The following ALDH18A1 variants were observed in gnomAD, a reference collection of about 807,000 sequenced individuals.
The protein encoded by ALDH18A1 is aldehyde dehydrogenase 18 family member A1, also known as delta-1-pyrroline-5-carboxylate synthase.
ALDH18A1 carries 44 observed loss-of-function variants against 88.8 expected under a neutral mutation model. The observed-to-expected ratio is 0.50, with a 90% CI of 0.39 to 0.64. ALDH18A1 has a LOEUF of 0.64. ALDH18A1 is among the 30% of genes least tolerant of loss of function. ALDH18A1 has a pLI of 0.00. For synonymous variants in ALDH18A1, 331 were observed against 372.1 expected, an observed-to-expected ratio of 0.89 and a Z score of 1.27; for missense variants, 782 against 1,009.5, an observed-to-expected ratio of 0.77 and a Z score of 3.05.
intron 12 of ALDH18A1, among the ~76,000 whole-genome samples, chr10:95,620,216 A>C (rs1167005023): frequency 6.6e-6 from 1 of 152,254 alleles, no homozygotes; most frequent in Non-Finnish European, 1.5e-5. Context: ...GAGAAATGCA[A>C]ATCAAAACCA....
chr10:95,624,536 A>C (rs183860845), intron 11 of ALDH18A1, among the ~76,000 whole-genome samples: 136 of 152,336 alleles, frequency 8.9e-4, no homozygotes, highest in Non-Finnish European at 1.5e-3. Context: ...TGAAAGAAAC[A>C]CCATTAATAT....
At chr10:95,628,610 C>T (rs1009441493) in intron 7 of ALDH18A1, 118 bp from the exon 8 acceptor site, 2 of 1,228,972 alleles carry the variant, frequency 1.6e-6, no homozygotes, top group Non-Finnish European at 2.3e-6. Flanking sequence ...TTCCACTGCA[C>T]TACCACCTGC....
intron 11 of ALDH18A1, among the ~76,000 whole-genome samples, chr10:95,624,058 G>C (rs927170503): frequency 6.6e-6 from 1 of 151,898 alleles, no homozygotes; most frequent in African/African-American, 2.4e-5. Flanking sequence ...GGCTGGTCTT[G>C]AACTCAGACC....
At position 95,614,160 on chromosome 10, in the gene ALDH18A1, A is replaced by C. The variant is rs1212195156; in HGVS notation, c.1607T>G (p.Val536Gly). The change falls in exon 14 of 18, where the codon GTG (valine) becomes GGG (glycine). Residue 536 changes from valine (V) to glycine (G), a missense_variant and splice_region_variant. Coordinates refer to ENST00000371224, the MANE Select transcript of ALDH18A1 (RefSeq NM_002860.4). Reference sequence around the variant, plus strand: ...ATCTTCAACTTCTTCTCTGGTATTCACCTTTAGAAGGAAAGAAGAAAAAGA... The same window carrying C: ...ATCTTCAACTTCTTCTCTGGTATTCCCCTTTAGAAGGAAAGAAGAAAAAGA... ...IHGVKEAVQLVNTREEVEDLC... is the reference protein window; with the variant it reads ...IHGVKEAVQLGNTREEVEDLC... 3 of 1,613,896 alleles carry C rather than the reference A, an allele frequency of 1.9e-6. No homozygotes were observed. Among genetic ancestry groups the C allele is most frequent in the Non-Finnish European group, 2.5e-6 (3 of 1,180,000 alleles).
intron 2 of ALDH18A1, among the ~76,000 whole-genome samples, chr10:95,651,041 G>A (rs555609745): frequency 1.3e-4 from 20 of 152,204 alleles, no homozygotes; most frequent in African/African-American, 4.8e-4. Context: ...ACTGAGGCAG[G>A]AGAATCGCTT....
At chr10:95,608,316 G>C (rs1051428727) in intron 17 of ALDH18A1, among the ~76,000 whole-genome samples, 1 of 152,180 alleles carries the variant, frequency 6.6e-6, no homozygotes, top group Non-Finnish European at 1.5e-5. Flanking sequence ...AAAGATCAAT[G>C]CAAGTGATGT....
intron 3 of ALDH18A1, among the ~76,000 whole-genome samples, chr10:95,642,621 C>A (rs78053518): frequency 2.3e-4 from 35 of 151,062 alleles, no homozygotes; most frequent in Admixed American, 2.0e-3. Flanking sequence ...TCAAAACAAA[C>A]AAACACAGCT....
rs1566014821 is a variant in ALDH18A1, at chr10:95,624,405, A to G, written c.1246+957T>C. Among the ~76,000 whole-genome samples the G allele has an allele frequency of 2.0e-5, 3 of 152,228 alleles. No individual in the cohort carries two copies. The East Asian group carries it at 5.8e-4, about 29-fold the overall frequency. ...ATCAAAGATTTCTTCCAGTTCTGAAAATCTATTTTACGTTTTGTAATACTA... is the reference window on the plus strand; with the variant it reads ...ATCAAAGATTTCTTCCAGTTCTGAAGATCTATTTTACGTTTTGTAATACTA... On this transcript the variant is annotated intron_variant, in intron 11 of 17. Coordinates refer to ENST00000371224, the MANE Select transcript of ALDH18A1 (RefSeq NM_002860.4).
intron 1 of ALDH18A1, among the ~76,000 whole-genome samples, chr10:95,654,877 G>C (rs1337481301): frequency 6.6e-6 from 1 of 151,874 alleles, no homozygotes; most frequent in African/African-American, 2.4e-5. Flanking sequence ...AAGAGCCAAA[G>C]GGTAAAACAA....
intron 5 of ALDH18A1, among the ~76,000 whole-genome samples, 171 bp downstream of exon 5, chr10:95,636,922 C>T (rs1377669451): frequency 6.6e-6 from 1 of 152,228 alleles, no homozygotes; most frequent in African/African-American, 2.4e-5. Flanking sequence ...ATATTATCCC[C>T]ATTTTCAGAT....
At chr10:95,636,147 A>C (rs1010534219) in intron 5 of ALDH18A1, among the ~76,000 whole-genome samples, 6 of 152,200 alleles carry the variant, frequency 3.9e-5, no homozygotes, top group African/African-American at 1.4e-4. Context: ...AATGATGGAG[A>C]AACAAAAAAA....
intron 15 of ALDH18A1, among the ~76,000 whole-genome samples, chr10:95,612,469 A>T (rs565826292): frequency 6.6e-6 from 1 of 152,160 alleles, no homozygotes; most frequent in Non-Finnish European, 1.5e-5. Flanking sequence ...TCAAGTTATA[A>T]GTGGTGTCTG....
intron 15 of ALDH18A1, among the ~76,000 whole-genome samples, chr10:95,613,244 A>G (rs756206421): frequency 1.3e-5 from 2 of 152,250 alleles, no homozygotes; most frequent in Admixed American, 6.5e-5. Context: ...TTAACAATAT[A>G]GTAAAAACAT....
intron 2 of ALDH18A1, among the ~76,000 whole-genome samples, chr10:95,651,236 G>A (rs1427370416): frequency 6.6e-6 from 1 of 152,144 alleles, no homozygotes; most frequent in Non-Finnish European, 1.5e-5. Flanking sequence ...TTAGCTATTA[G>A]GGAAAGGCAC....
At chr10:95,637,526 G>A in intron 3 of ALDH18A1, 90 bp from the exon 4 acceptor site, 1 of 1,492,322 alleles carries the variant, frequency 6.7e-7, no homozygotes, top group Non-Finnish European at 9.2e-7. Flanking sequence ...GGGCTATCGA[G>A]TAGATCCCAA....
intron 2 of ALDH18A1, among the ~76,000 whole-genome samples, chr10:95,652,331 T>G (rs1408582134): frequency 6.6e-6 from 1 of 152,202 alleles, no homozygotes; most frequent in Non-Finnish European, 1.5e-5. Context: ...TGGGTGAAAT[T>G]GGGTAAAGGG....
intron 7 of ALDH18A1, among the ~76,000 whole-genome samples, chr10:95,632,491 G>A (rs1330503286): frequency 6.6e-6 from 1 of 152,168 alleles, no homozygotes; most frequent in Non-Finnish European, 1.5e-5. Context: ...TCAGCCCCGA[G>A]TAGCTGGAAC....
At chr10:95,653,668 T>C (rs1290746023) in intron 1 of ALDH18A1, among the ~76,000 whole-genome samples, 1 of 152,204 alleles carries the variant, frequency 6.6e-6, no homozygotes, top group Non-Finnish European at 1.5e-5. Context: ...AAAAAACACC[T>C]GCTCTTTTTG....
chr10:95,641,086 T>C (rs777836401), intron 3 of ALDH18A1, among the ~76,000 whole-genome samples: 6 of 144,574 alleles, frequency 4.2e-5, no homozygotes, highest in Non-Finnish European at 7.7e-5. Flanking sequence ...CCAGAACCAC[T>C]GGATTGCACA....
Sources: gnomAD v4.1 joint callset for allele counts (sites outside exome capture counted in the v4.1 genomes callset) on GRCh38, gnomAD v4.1.1 for gene constraint, MANE v1.5 for transcripts, NCBI Gene and HGNC (gene_info 2026-07-23, HGNC 2026-07-21) for gene names.